The following IPPK variants were observed in gnomAD, a reference collection of about 807,000 sequenced individuals.
The protein encoded by IPPK is inositol-pentakisphosphate 2-kinase.
In IPPK, 22 loss-of-function variants were observed where a neutral mutation model predicts 64.6. The ratio of observed to expected loss-of-function variants is 0.34; its 90% CI spans 0.24 to 0.49. The LOEUF is 0.49. IPPK is among the 20% of genes least tolerant of loss of function. The probability of loss-of-function intolerance (pLI) is 0.99; values close to 1 mark genes in which losing one functional copy is unlikely to be tolerated. For synonymous variants in IPPK, 262 were observed against 247.2 expected, an observed-to-expected ratio of 1.06 and a Z score of -0.56; for missense variants, 532 against 630.7, an observed-to-expected ratio of 0.84 and a Z score of 1.68.
chr9:92,635,420 TCAC>T lies in IPPK; in HGVS notation c.917-115_917-113del, dbSNP rs1452682722. Reference sequence around the variant, plus strand: ...CATCCTGGGCTCCGCCATACGGGCATCACCACAGGCAAGGACTGCACCCTGGAC... The same window carrying T: ...CATCCTGGGCTCCGCCATACGGGCATCACAGGCAAGGACTGCACCCTGGAC... On this transcript the variant is annotated intron_variant, in intron 9 of 12. Coordinates refer to ENST00000287996, the MANE Select transcript of IPPK (RefSeq NM_022755.6). This position sits in a 1 kb window ranked among gnomAD's most constrained non-coding sequence, Gnocchi z 4.4. 1.7e-6 allele frequency: 2 copies of T among 1,161,382 alleles called. No individual in the cohort carries two copies. The highest frequency in any genetic ancestry group is 3.1e-5 in the African/African-American group (2 of 64,458). The allele number at this position is 1,161,382 out of a possible 1,614,324, so 71.9% of individuals were successfully genotyped here. A position where few individuals can be genotyped will look rare whatever the true frequency, so the allele number is the denominator to read the frequency against.
chr9:92,625,773 T>C (rs552740564), intron 11 of IPPK, among the ~76,000 whole-genome samples: 51 of 152,142 alleles, frequency 3.4e-4, no homozygotes, highest in Non-Finnish European at 6.6e-4. Context: ...AACCAGAGAC[T>C]CTTCCCTTTT....
intron 4 of IPPK, among the ~76,000 whole-genome samples, chr9:92,649,957 C>T (rs980953001): frequency 1.4e-5 from 2 of 146,982 alleles, no homozygotes; most frequent in African/African-American, 2.5e-5. Flanking sequence ...ACCCTAGAGA[C>T]GGAGGTTGTG....
Position 92,615,798 on chromosome 9 carries a change from A to T in IPPK, c.*34T>A. On this transcript the variant is annotated 3_prime_UTR_variant, in exon 13 of 13. Transcript: ENST00000287996. ...ATCTCTATCATTCAGCCTTCACATT[A>T]TGTTCAAGTTTCAAAGACACTGCAG... is the stretch of plus-strand genomic sequence containing the variant. 2 of 1,477,346 alleles carry T rather than the reference A, an allele frequency of 1.4e-6. No individual in the cohort carries two copies. Among genetic ancestry groups the T allele is most frequent in the Non-Finnish European group, 1.9e-6 (2 of 1,056,504 alleles). The allele number at this position is 1,477,346 out of a possible 1,614,324, so 91.5% of individuals were successfully genotyped here.
intron 9 of IPPK, among the ~76,000 whole-genome samples, chr9:92,636,294 G>C (rs77941215): frequency 7.2e-4 from 109 of 152,270 alleles, no homozygotes; most frequent in African/African-American, 2.6e-3. Context: ...CCAACTAGAG[G>C]GGATTTGTTA....
At chr9:92,629,013 A>G (rs1288042738) in intron 11 of IPPK, among the ~76,000 whole-genome samples, 1 of 152,142 alleles carries the variant, frequency 6.6e-6, no homozygotes, top group African/African-American at 2.4e-5. Context: ...ACTCGAGCCC[A>G]GGAGTTTGAA....
intron 1 of IPPK, among the ~76,000 whole-genome samples, chr9:92,664,783 C>A (rs1852560209): frequency 6.6e-6 from 1 of 152,220 alleles, no homozygotes; most frequent in Non-Finnish European, 1.5e-5. Context: ...TCTCTGCAGA[C>A]ACAGTAATGA....
rs79658975 is a variant in IPPK, at chr9:92,613,427, G to T, written c.*2405C>A. 3,458 of 354,060 alleles carry T rather than the reference G, an allele frequency of 9.8e-3. 111 individuals are homozygous for T. The highest frequency in any genetic ancestry group is 0.067 in the African/African-American group (3,199 of 47,750). 21.9% of individuals were successfully genotyped at this position (354,060 alleles called of 1,614,324 possible). A position where few individuals can be genotyped will look rare whatever the true frequency, so the allele number is the denominator to read the frequency against. ...CAAGTGGTTGTGTGTCCTCAGATGT[G>T]TGGGGAGGATCCATCCCCCACCCAC... is the stretch of plus-strand genomic sequence containing the variant. On this transcript the variant is annotated 3_prime_UTR_variant, in exon 13 of 13. Transcript: ENST00000287996.
In IPPK at chr9:92,635,824, G is replaced by A. The variant is rs1291734176; in HGVS notation, c.917-516C>T. On this transcript the variant is annotated intron_variant, in intron 9 of 12. Transcript: ENST00000287996. This position sits in a 1 kb window ranked among gnomAD's most constrained non-coding sequence, Gnocchi z 4.4. ...GGCAAGGAATTTCTAAGATCCTGCT[G>A]ACATCCTAAATCTGCAAGACCACTA... Among the ~76,000 whole-genome samples the A allele has an allele frequency of 6.6e-6, 1 of 151,732 alleles. No homozygotes were observed. The highest frequency in any genetic ancestry group is 2.4e-5 in the African/African-American group (1 of 41,280).
rs568996301 is a variant in IPPK at position 92,629,174 on chromosome 9, G to A, written c.1170+5212C>T. On this transcript the variant is annotated intron_variant, in intron 11 of 12. Transcript: ENST00000287996. ...GAATGGATCAAACACCTAACTATAAGAGCTAAAACTATAAAACTATTAAAA... is the reference window on the plus strand; with the variant it reads ...GAATGGATCAAACACCTAACTATAAAAGCTAAAACTATAAAACTATTAAAA... Among the ~76,000 whole-genome samples the A allele has an allele frequency of 7.2e-5, 11 of 151,940 alleles. No homozygotes were observed. The South Asian group carries it at 1.9e-3, about 26-fold the overall frequency.
chr9:92,663,813 A>C (rs1256619574), intron 1 of IPPK, among the ~76,000 whole-genome samples: 1 of 152,256 alleles, frequency 6.6e-6, no homozygotes, highest in Non-Finnish European at 1.5e-5. Flanking sequence ...GTCAAAAGAC[A>C]AGGACCAAGG....
At chr9:92,658,495 G>A (rs377689296) in intron 2 of IPPK, 139 bp downstream of exon 2, 4 of 747,276 alleles carry the variant, frequency 5.4e-6, no homozygotes, top group African/African-American at 3.5e-5. Flanking sequence ...CAGGAATGAT[G>A]GACACACCAC....
Position 92,636,672 on chromosome 9 carries a change from A to G in IPPK, c.916+1329T>C, listed in dbSNP as rs1442373936. 3.3e-5 allele frequency among the ~76,000 whole-genome samples: 5 copies of G among 152,022 alleles called. No homozygotes were observed. The South Asian group carries it at 6.2e-4, about 19-fold the overall frequency. On this transcript the variant is annotated intron_variant, in intron 9 of 12. Transcript: ENST00000287996. ...TAATTAATTTAAAAAAAAAACATAT[A>G]TGTGATGATATAGATACAGATTTAT...
At chr9:92,666,643 T>C (rs781203743) in intron 1 of IPPK, among the ~76,000 whole-genome samples, 54 of 152,294 alleles carry the variant, frequency 3.5e-4, no homozygotes, top group Admixed American at 5.2e-4. Flanking sequence ...CATGGTTACC[T>C]GTGCCTGGGA....
chr9:92,618,749 G>A lies in IPPK; in HGVS notation c.1250+737C>T, dbSNP rs1039255005. On this transcript the variant is annotated intron_variant, in intron 12 of 12. Transcript: ENST00000287996. ...AAGTAAACAATTCTGTGCCTGCCAG[G>A]GAACAGGAATCCTGGGAACTGTTTA... The A allele has an allele frequency of 2.0e-5, 7 of 357,330 alleles. No homozygotes were observed. In the Admixed American group the frequency reaches 2.6e-4, roughly 13 times the overall value. The allele number at this position is 357,330 out of a possible 1,614,324, so 22.1% of individuals were successfully genotyped here. A position where few individuals can be genotyped will look rare whatever the true frequency, so the allele number is the denominator to read the frequency against.
intron 11 of IPPK, among the ~76,000 whole-genome samples, chr9:92,631,808 G>C (rs144109752): frequency 1.7e-4 from 26 of 152,300 alleles, no homozygotes; most frequent in Non-Finnish European, 3.4e-4. Flanking sequence ...ATCACACGTA[G>C]GTTCATGCAT....
chr9:92,625,933 T>A (rs891350905), intron 11 of IPPK, among the ~76,000 whole-genome samples: 2 of 152,040 alleles, frequency 1.3e-5, no homozygotes, highest in Non-Finnish European at 2.9e-5. Context: ...TTTTTTTTTT[T>A]AACCACCAAG....
intron 3 of IPPK, 63 bp from the exon 4 acceptor site, chr9:92,652,702 G>T: frequency 1.2e-6 from 1 of 804,696 alleles, no homozygotes; most frequent in South Asian, 1.8e-5. Flanking sequence ...CAATGCCACA[G>T]AACTGCATGC....
chr9:92,621,731 G>A (rs759915383), intron 11 of IPPK, among the ~76,000 whole-genome samples: 3 of 152,044 alleles, frequency 2.0e-5, no homozygotes, highest in Non-Finnish European at 2.9e-5. Flanking sequence ...TGCCCAGGCT[G>A]GTCTTGAACT....
intron 3 of IPPK, among the ~76,000 whole-genome samples, chr9:92,655,043 T>C (rs1249049055): frequency 6.6e-6 from 1 of 152,076 alleles, no homozygotes; most frequent in Non-Finnish European, 1.5e-5. Flanking sequence ...TCCTAAACTC[T>C]CCAGCTCCCA....
Sources: allele counts gnomAD v4.1 joint callset (sites outside exome capture counted in the v4.1 genomes callset), GRCh38; gene constraint gnomAD v4.1.1; non-coding constraint Gnocchi (gnomAD v3.1); transcripts MANE v1.5; gene names NCBI Gene and HGNC (gene_info 2026-07-23, HGNC 2026-07-21).